IL1RAP: variants seen among roughly 807,000 people sequenced by gnomAD.
IL1RAP encodes interleukin-1 receptor accessory protein.
Under a neutral mutation model 60.7 loss-of-function variants are expected in IL1RAP, and 35 were observed. The ratio of observed to expected loss-of-function variants is 0.58; its 90% CI spans 0.44 to 0.76. The LOEUF is 0.76. IL1RAP is among the 30% of genes least tolerant of loss of function. IL1RAP has a pLI of 0.00. For missense variants in IL1RAP, 572 were observed against 693.9 expected (o/e 0.82, Z 1.97); for synonymous variants, 268 against 250.9 (o/e 1.07, Z -0.64).
intron 1 of IL1RAP, among the ~76,000 whole-genome samples, chr3:190,542,808 T>C (rs1724047035): frequency 6.6e-6 from 1 of 152,044 alleles, no homozygotes; most frequent in African/African-American, 2.4e-5. Flanking sequence ...TGGAACTGCT[T>C]CCTGAAAGCT....
At position 190,645,760 on chromosome 3, in the gene IL1RAP, A is replaced by G. The variant is rs1398163056; in HGVS notation, c.1263A>G (p.Val421=). The G allele has an allele frequency of 6.2e-7, 1 of 1,613,250 alleles. No homozygotes were observed. ...YARNAEEEEF[V]LLTLRGVLEN... is the part of the protein sequence containing the mutation. ...GGAATGCGGAAGAAGAAGAATTTGT[A>G]TTACTGACCCTCCGTGGAGTTTTGG... The change falls in exon 11 of 12, where the codon GTA becomes GTG. Residue 421 remains valine, a synonymous_variant. Transcript: ENST00000447382.
chr3:190,559,884 A>T (rs947883437), intron 2 of IL1RAP, among the ~76,000 whole-genome samples: 3 of 152,204 alleles, frequency 2.0e-5, no homozygotes, highest in African/African-American at 4.8e-5. Context: ...CCCGCGTTTT[A>T]TAACTGCAAA....
At chr3:190,569,741 G>A (rs1340691880) in intron 3 of IL1RAP, among the ~76,000 whole-genome samples, 4 of 152,088 alleles carry the variant, frequency 2.6e-5, no homozygotes, top group Admixed American at 2.6e-4. Context: ...ACAGCTTCTT[G>A]TATCACAGTG....
chr3:190,555,301 C>G (rs1315727868), intron 1 of IL1RAP, among the ~76,000 whole-genome samples: 2 of 152,142 alleles, frequency 1.3e-5, no homozygotes, highest in Non-Finnish European at 2.9e-5. Context: ...CTTCCTCCCT[C>G]CTCTCTACTC....
intron 3 of IL1RAP, among the ~76,000 whole-genome samples, chr3:190,588,039 G>T (rs577259659): frequency 6.6e-6 from 1 of 152,316 alleles, no homozygotes; most frequent in African/African-American, 2.4e-5. Flanking sequence ...ATAAGGCAAT[G>T]ATTTCTAAGT....
rs142493227 is a variant in IL1RAP at position 190,533,472 on chromosome 3, A to T, written c.-89+19253A>T. ...TTTCCCCTTGTTATAATTAACACCA[A>T]CTAGTGATGTCTCCTCCTCCCTCCC... On this transcript the variant is annotated intron_variant, in intron 1 of 11. Coordinates refer to ENST00000447382, the MANE Select transcript of IL1RAP (RefSeq NM_002182.4). Among the ~76,000 whole-genome samples, 95 of 152,326 alleles carry T rather than the reference A, an allele frequency of 6.2e-4. 2 individuals carry two copies. The East Asian group carries it at 0.017, about 27-fold the overall frequency.
chr3:190,520,070 G>C (rs372779417), intron 1 of IL1RAP, among the ~76,000 whole-genome samples: 3 of 152,174 alleles, frequency 2.0e-5, no homozygotes, highest in Non-Finnish European at 2.9e-5. Context: ...CAGATGGAGA[G>C]GGGGAGTATA....
At chr3:190,644,212 C>G (rs747438055) in intron 9 of IL1RAP, 36 bp from the exon 10 acceptor site, 1 of 1,595,706 alleles carries the variant, frequency 6.3e-7, no homozygotes, top group Non-Finnish European at 8.6e-7. Context: ...GGTCACCACA[C>G]AGAAATCAAT....
At chr3:190,525,164 A>G (rs555631127) in intron 1 of IL1RAP, among the ~76,000 whole-genome samples, 1 of 152,308 alleles carries the variant, frequency 6.6e-6, no homozygotes, top group Non-Finnish European at 1.5e-5. Context: ...GAGTCAAGAG[A>G]CAACAGACAA....
intron 1 of IL1RAP, among the ~76,000 whole-genome samples, chr3:190,524,529 A>G (rs1250158366): frequency 1.3e-5 from 2 of 152,136 alleles, no homozygotes; most frequent in Non-Finnish European, 2.9e-5. Context: ...AAGGGGTTCA[A>G]TTTCAATCTT....
chr3:190,625,979 G>A (rs750696043), intron 7 of IL1RAP, among the ~76,000 whole-genome samples: 4 of 152,204 alleles, frequency 2.6e-5, no homozygotes, highest in Non-Finnish European at 4.4e-5. Flanking sequence ...TGGGAGGGTA[G>A]ATAGAGTATG....
intron 1 of IL1RAP, among the ~76,000 whole-genome samples, chr3:190,527,383 C>T (rs540432226): frequency 8.7e-4 from 132 of 152,332 alleles, no homozygotes; most frequent in African/African-American, 3.0e-3. Flanking sequence ...ATGCTTGCCT[C>T]TACGTGTGTT....
intron 1 of IL1RAP, among the ~76,000 whole-genome samples, chr3:190,546,665 A>C (rs1457356965): frequency 6.6e-6 from 1 of 152,208 alleles, no homozygotes; most frequent in African/African-American, 2.4e-5. Flanking sequence ...AGTCACCAAG[A>C]GATTAAGTAA....
rs1427321773 is a variant in IL1RAP, at chr3:190,648,534, G to C, written c.1542G>C (p.Leu514=). 1 of 1,614,138 alleles carries C rather than the reference G, an allele frequency of 6.2e-7. No homozygotes were observed. The highest frequency in any genetic ancestry group is 1.1e-5 in the South Asian group (1 of 91,084). ...KAVKETKVKE[L]KRAKTVLTVI... ...TGAAGGAAACGAAGGTGAAAGAGCT[G>C]AAGAGGGCTAAGACGGTGCTCACGG... Residue 514 remains leucine, a synonymous_variant, in exon 12 of 12, where the codon CTG becomes CTC. Transcript: ENST00000447382.
chr3:190,575,486 C>T (rs1226044780), intron 3 of IL1RAP, among the ~76,000 whole-genome samples: 3 of 152,112 alleles, frequency 2.0e-5, no homozygotes, highest in Admixed American at 6.5e-5. Flanking sequence ...CTTTCCTTAT[C>T]CCATAGTTAA....
At chr3:190,579,702 C>G (rs112968349) in intron 3 of IL1RAP, among the ~76,000 whole-genome samples, 1,853 of 152,252 alleles carry the variant, frequency 0.012, 45 homozygotes, top group African/African-American at 0.043. Context: ...CACCCCAAAA[C>G]GAAGCCCTGA....
At chr3:190,581,596 G>T (rs1190580580) in intron 3 of IL1RAP, among the ~76,000 whole-genome samples, 3 of 152,180 alleles carry the variant, frequency 2.0e-5, no homozygotes, top group Non-Finnish European at 4.4e-5. Flanking sequence ...TTCAAAAGCA[G>T]ATAGTAGCAT....
chr3:190,554,009 C>A (rs796547149), intron 1 of IL1RAP, among the ~76,000 whole-genome samples: 68 of 136,486 alleles, frequency 5.0e-4, no homozygotes, highest in African/African-American at 1.8e-3. Context: ...TGCAGTGAGC[C>A]GAGATCCCGC....
At chr3:190,521,228 C>CT (rs909145591) in intron 1 of IL1RAP, among the ~76,000 whole-genome samples, 7 of 151,896 alleles carry the variant, frequency 4.6e-5, no homozygotes, top group Admixed American at 2.0e-4. Context: ...ATAATAACAG[C>CT]TTTTTTTTAA....
Sources: gnomAD v4.1 joint callset for allele counts (sites outside exome capture counted in the v4.1 genomes callset) on GRCh38, gnomAD v4.1.1 for gene constraint, MANE v1.5 for transcripts, NCBI Gene and HGNC (gene_info 2026-07-23, HGNC 2026-07-21) for gene names.